EML6: variants seen among roughly 807,000 people sequenced by gnomAD.
EML6 encodes the protein EMAP like 6, also known as echinoderm microtubule-associated protein-like 6.
In EML6, 154 loss-of-function variants were observed where a neutral mutation model predicts 240.1. The ratio of observed to expected loss-of-function variants is 0.64; its 90% CI spans 0.56 to 0.73. EML6 has a LOEUF of 0.73. EML6 is among the 30% of genes least tolerant of loss of function. EML6 has a pLI of 0.00. For synonymous variants in EML6, 1,148 were observed against 899.0 expected, an observed-to-expected ratio of 1.28 and a Z score of -4.95; for missense variants, 2,964 against 2,474.6, an observed-to-expected ratio of 1.20 and a Z score of -4.20.
chr2:54,725,056 C>A lies in EML6; in HGVS notation c.-6C>A. 1 of 1,511,260 alleles carries A rather than the reference C, an allele frequency of 6.6e-7. No individual in the cohort carries two copies. Among genetic ancestry groups the A allele is most frequent in the South Asian group, 1.2e-5 (1 of 81,076 alleles). 93.6% of individuals were successfully genotyped at this position (1,511,260 alleles called of 1,614,324 possible). Reference sequence around the variant, plus strand: ...GGGGGCGGGGGGCGCGCGGGGTCGGCTTATCATGGCGGATCGGACGGCGCC... The same window carrying A: ...GGGGGCGGGGGGCGCGCGGGGTCGGATTATCATGGCGGATCGGACGGCGCC... On this transcript the variant is annotated 5_prime_UTR_variant, in exon 2 of 42. Transcript: ENST00000356458. The surrounding 1 kb of genome is among the most constrained non-coding windows in gnomAD (Gnocchi z 4.3).
intron 2 of EML6, 35 bp from the exon 3 acceptor site, chr2:54,813,197 T>C (rs1390319269): frequency 2.7e-6 from 4 of 1,486,834 alleles, no homozygotes; most frequent in Admixed American, 2.2e-5. Context: ...TTTTCTTCAG[T>C]TGGAAGATGT....
intron 21 of EML6, among the ~76,000 whole-genome samples, chr2:54,898,049 A>G (rs1054736416): frequency 2.0e-5 from 3 of 152,050 alleles, no homozygotes; most frequent in Non-Finnish European, 4.4e-5. Context: ...AAGAGAAAAT[A>G]AGGTTGGGGG....
At chr2:54,847,186 G>C (rs541675615) in intron 8 of EML6, among the ~76,000 whole-genome samples, 37 of 152,326 alleles carry the variant, frequency 2.4e-4, no homozygotes, top group African/African-American at 8.9e-4. Context: ...GGGATGACAG[G>C]CGTTGAGCCA....
At position 54,728,751 on chromosome 2, in the gene EML6, C is replaced by A. The variant is rs922999714; in HGVS notation, c.197+3493C>A. Among the ~76,000 whole-genome samples the A allele has an allele frequency of 7.2e-5, 11 of 152,094 alleles. No homozygotes were observed. In the East Asian group the frequency reaches 7.7e-4, roughly 11 times the overall value. ...AGTATTTCACTAAACACACACACAC[C>A]CCCAGAACAAAACAATGATTCATCA... On this transcript the variant is annotated intron_variant, in intron 2 of 41. Transcript: ENST00000356458.
intron 26 of EML6, among the ~76,000 whole-genome samples, chr2:54,918,950 G>T (rs1470527839): frequency 1.3e-5 from 2 of 152,110 alleles, no homozygotes; most frequent in Non-Finnish European, 2.9e-5. Context: ...GAATTTTCCA[G>T]GGATTACATT....
At chr2:54,737,603 T>G (rs17416820) in intron 2 of EML6, among the ~76,000 whole-genome samples, 5,467 of 152,334 alleles carry the variant, frequency 0.036, 126 homozygotes, top group Admixed American at 0.077. Flanking sequence ...TTTCTCTTCA[T>G]GCCATGCTCT....
intron 9 of EML6, among the ~76,000 whole-genome samples, chr2:54,849,645 C>T (rs1200363955): frequency 2.0e-5 from 3 of 152,196 alleles, no homozygotes; most frequent in South Asian, 4.1e-4. Context: ...CCTGCCACCA[C>T]GGCCGGCTAA....
intron 17 of EML6, chr2:54,882,875 G>GAAAAAAAA (rs1671909615): frequency 2.3e-5 from 1 of 43,846 alleles, no homozygotes. Context: ...AAAAAAAAAA[G>GAAAAAAAA]AAAGCTTAGG....
chr2:54,880,225 A>G (rs1671742339), intron 17 of EML6: 1 of 152,432 alleles, frequency 6.6e-6, no homozygotes, highest in African/African-American at 2.4e-5. Flanking sequence ...TCTGAACACG[A>G]CTTTCCACTC....
chr2:54,948,532 T>G (rs1293860318), intron 28 of EML6, among the ~76,000 whole-genome samples: 2 of 152,138 alleles, frequency 1.3e-5, no homozygotes, highest in African/African-American at 4.8e-5. Context: ...CTCCCGCCCC[T>G]CATGGTCAGG....
chr2:54,827,707 TG>T lies in EML6; in HGVS notation c.669del (p.Trp223Ter). Reference protein sequence around the residue: ...SGALNGDIYVWKGLNLVRTIQ... With the variant: ...SGALNGDIYVXKGLNLVRTIQ... ...TGCTTTAAATGGTGACATCTATGTC[TG>T]GAAAGGGCTCAATTTAGTCCGCACC... On this transcript the variant is annotated frameshift_variant, in exon 6 of 42. Coordinates refer to ENST00000356458, the MANE Select transcript of EML6 (RefSeq NM_001039753.4). LOFTEE classifies it high-confidence loss of function. The T allele has an allele frequency of 6.4e-7, 1 of 1,551,744 alleles. No individual in the cohort carries two copies. The highest frequency in any genetic ancestry group is 8.7e-7 in the Non-Finnish European group (1 of 1,146,962).
rs1558660732 is a variant in EML6, at chr2:54,895,396, T to C, written c.2978T>C (p.Val993Ala). The C allele has an allele frequency of 1.9e-6, 3 of 1,551,912 alleles. No individual in the cohort carries two copies. The African/African-American group carries it at 4.1e-5, about 21-fold the overall frequency. ...IDKSGPMTLL[V>A]QGHMEGEVWG... ...AAGAGTGGCCCAATGACACTGCTTG[T>C]TCAGGTACTGTTTGTATGTATTCTA... is the stretch of plus-strand genomic sequence containing the variant. Residue 993 changes from valine (V) to alanine (A), a missense_variant, in exon 21 of 42, where the codon GTT (valine) becomes GCT (alanine). Coordinates refer to ENST00000356458, the MANE Select transcript of EML6 (RefSeq NM_001039753.4).
At chr2:54,824,834 G>A (rs1668511155) in intron 5 of EML6, among the ~76,000 whole-genome samples, 1 of 152,198 alleles carries the variant, frequency 6.6e-6, no homozygotes, top group Admixed American at 6.5e-5. Flanking sequence ...ATTACAGTCT[G>A]TGGGTAGAGA....
chr2:54,898,384 G>A (rs900725824), intron 21 of EML6, among the ~76,000 whole-genome samples: 1 of 152,116 alleles, frequency 6.6e-6, no homozygotes, highest in African/African-American at 2.4e-5. Context: ...CTATAGAAGA[G>A]CTTCAAGCAG....
At chr2:54,881,247 A>G (rs938159339) in intron 17 of EML6, 3 of 152,226 alleles carry the variant, frequency 2.0e-5, no homozygotes, top group African/African-American at 7.2e-5. Flanking sequence ...TTACTTAAAT[A>G]TCTATTTGCA....
At chr2:54,778,948 A>T (rs1482010697) in intron 2 of EML6, among the ~76,000 whole-genome samples, 3 of 151,936 alleles carry the variant, frequency 2.0e-5, no homozygotes, top group Admixed American at 2.0e-4. Context: ...AAATATATCA[A>T]ATATATAAAA....
At position 54,844,369 on chromosome 2, in the gene EML6, A is replaced by C. The variant is rs140958284; in HGVS notation, c.1049+121A>C. 1.2e-4 allele frequency: 92 copies of C among 760,380 alleles called. No individual in the cohort carries two copies. In the African/African-American group the frequency reaches 1.5e-3, roughly 13 times the overall value. The allele number at this position is 760,380 out of a possible 1,614,324, so 47.1% of individuals were successfully genotyped here. Reference sequence around the variant, plus strand: ...CCACACAGTTTCCAAATGAAACGTTAAGACATTTAGCTCATCAAGTGGGTT... The same window carrying C: ...CCACACAGTTTCCAAATGAAACGTTCAGACATTTAGCTCATCAAGTGGGTT... On this transcript the variant is annotated intron_variant, in intron 8 of 41. Coordinates refer to ENST00000356458, the MANE Select transcript of EML6 (RefSeq NM_001039753.4).
At chr2:54,749,055 T>C (rs56153204) in intron 2 of EML6, among the ~76,000 whole-genome samples, 5,008 of 152,324 alleles carry the variant, frequency 0.033, 286 homozygotes, top group African/African-American at 0.11. Flanking sequence ...AAGGAATGTG[T>C]ATACTTTGTA....
intron 2 of EML6, among the ~76,000 whole-genome samples, chr2:54,762,087 G>T (rs1668005145): frequency 6.6e-6 from 1 of 152,070 alleles, no homozygotes; most frequent in African/African-American, 2.4e-5. Context: ...ATAAGATCCA[G>T]CTCAGATAAT....
Sources: gnomAD v4.1 joint callset for allele counts (sites outside exome capture counted in the v4.1 genomes callset) on GRCh38, gnomAD v4.1.1 for gene constraint, Gnocchi (gnomAD v3.1) non-coding constraint, MANE v1.5 for transcripts, NCBI Gene and HGNC (gene_info 2026-07-23, HGNC 2026-07-21) for gene names.